Variants in NETO1 observed in about 807,000 individuals in gnomAD.
NETO1 encodes neuropilin and tolloid like 1, also known as neuropilin and tolloid-like protein 1.
Under a neutral mutation model 61.3 loss-of-function variants are expected in NETO1, and 26 were observed. The ratio of observed to expected loss-of-function variants is 0.42; its 90% confidence interval spans 0.31 to 0.59. The LOEUF is 0.59. Ranked by LOEUF, NETO1 falls within the 20% of genes least tolerant of loss-of-function variation. The pLI, the probability that NETO1 is intolerant of heterozygous loss-of-function variation, is 0.12. For missense variants in NETO1, 531 were observed against 662.8 expected (o/e 0.80, Z 2.18); for synonymous variants, 225 against 225.8 (o/e 1.00, Z 0.03).
At position 72,830,868 on chromosome 18, in the gene NETO1, C is replaced by T. The variant is rs1255507910; in HGVS notation, c.469+27958G>A. 6.6e-6 allele frequency among the ~76,000 whole-genome samples: 1 copy of T among 152,088 alleles called. No homozygotes were observed. The highest frequency in any genetic ancestry group is 1.5e-5 in the Non-Finnish European group (1 of 68,018). On this transcript the variant is annotated intron_variant, in intron 4 of 10. Coordinates refer to ENST00000327305, the MANE Select transcript of NETO1 (RefSeq NM_138966.5). The surrounding 1 kb of genome is among the most constrained non-coding windows in gnomAD (Gnocchi z 4.9). ...GTTCCAGTTGTTCACTTTTTATCCC[C>T]TATTTTCTTCTCTGAACATTGAGTT... is the stretch of plus-strand genomic sequence containing the variant.
intron 4 of NETO1, among the ~76,000 whole-genome samples, chr18:72,840,713 T>C (rs142705023): frequency 2.1e-3 from 321 of 152,242 alleles, no homozygotes; most frequent in African/African-American, 7.1e-3. Flanking sequence ...AGATAAAAGA[T>C]TGTGGCTAAC....
intron 4 of NETO1, among the ~76,000 whole-genome samples, chr18:72,837,534 G>T (rs9954519): frequency 0.96 from 146,203 of 152,258 alleles, 70,282 homozygotes; most frequent in Non-Finnish European, 0.99. Context: ...AACACAAGAT[G>T]GAAATTTTTA....
intron 4 of NETO1, among the ~76,000 whole-genome samples, chr18:72,822,857 G>C (rs932721894): frequency 1.3e-5 from 2 of 152,158 alleles, no homozygotes; most frequent in South Asian, 4.1e-4. Flanking sequence ...AAAAGAGAGA[G>C]TATGGGGAGA....
At chr18:72,846,373 C>T (rs1036255663) in intron 4 of NETO1, among the ~76,000 whole-genome samples, 23 of 151,556 alleles carry the variant, frequency 1.5e-4, no homozygotes, top group African/African-American at 3.6e-4. Flanking sequence ...GGCATGGTGG[C>T]GTGCTCTTGT....
intron 4 of NETO1, among the ~76,000 whole-genome samples, chr18:72,819,803 GA>G (rs536505879): frequency 2.3e-3 from 350 of 151,976 alleles, no homozygotes; most frequent in African/African-American, 7.7e-3. Flanking sequence ...TACCAAAAGT[GA>G]AAAAATATAT....
intron 7 of NETO1, among the ~76,000 whole-genome samples, chr18:72,766,563 T>G (rs2071168751): frequency 6.6e-6 from 1 of 152,200 alleles, no homozygotes; most frequent in African/African-American, 2.4e-5. Flanking sequence ...CAAAACTCTG[T>G]TCCAATATGA....
At chr18:72,844,961 G>A (rs1175883729) in intron 4 of NETO1, among the ~76,000 whole-genome samples, 2 of 152,208 alleles carry the variant, frequency 1.3e-5, no homozygotes, top group African/African-American at 4.8e-5. Context: ...GTGACATCAA[G>A]TGTTACCCAC....
chr18:72,776,629 G>A (rs997500022), intron 7 of NETO1, among the ~76,000 whole-genome samples: 3 of 152,070 alleles, frequency 2.0e-5, no homozygotes, highest in Non-Finnish European at 4.4e-5. Flanking sequence ...TGGCAGAAGA[G>A]GTGAAGGGTT....
chr18:72,758,367 G>T (rs976719233), intron 7 of NETO1, among the ~76,000 whole-genome samples: 1 of 109,010 alleles, frequency 9.2e-6, no homozygotes, highest in African/African-American at 2.9e-5. Context: ...CCTTTTGTTT[G>T]TGGTGCTTTT....
intron 10 of NETO1, among the ~76,000 whole-genome samples, chr18:72,748,486 C>T (rs1299862735): frequency 6.6e-6 from 1 of 151,942 alleles, no homozygotes; most frequent in Non-Finnish European, 1.5e-5. Flanking sequence ...TAACATGCTG[C>T]ATTTAATTTT....
chr18:72,785,316 G>C (rs2071877212), intron 6 of NETO1, among the ~76,000 whole-genome samples: 1 of 151,882 alleles, frequency 6.6e-6, no homozygotes, highest in African/African-American at 2.4e-5. Flanking sequence ...TGTATCTCTT[G>C]TCCTCCATGT....
intron 4 of NETO1, among the ~76,000 whole-genome samples, chr18:72,857,165 T>C (rs1336131354): frequency 6.6e-6 from 1 of 152,234 alleles, no homozygotes; most frequent in Non-Finnish European, 1.5e-5. Flanking sequence ...AGTTTTGCTC[T>C]AGTTGATCTG....
intron 4 of NETO1, among the ~76,000 whole-genome samples, chr18:72,797,608 C>T (rs941366599): frequency 3.3e-5 from 5 of 152,166 alleles, no homozygotes; most frequent in African/African-American, 1.2e-4. Flanking sequence ...TGTCCCTCAG[C>T]CTGTTCTCTA....
At chr18:72,801,026 C>G (rs1426450095) in intron 4 of NETO1, among the ~76,000 whole-genome samples, 1 of 152,124 alleles carries the variant, frequency 6.6e-6, no homozygotes, top group African/African-American at 2.4e-5. Context: ...GCCTCCCTTG[C>G]AATTGTATGT....
intron 4 of NETO1, among the ~76,000 whole-genome samples, chr18:72,857,446 C>G (rs2074440947): frequency 6.6e-6 from 1 of 152,208 alleles, no homozygotes; most frequent in Non-Finnish European, 1.5e-5. Flanking sequence ...CAAAGCATGA[C>G]AGCTGACACT....
intron 6 of NETO1, among the ~76,000 whole-genome samples, chr18:72,790,941 T>G (rs138503599): frequency 1.3e-5 from 2 of 152,272 alleles, no homozygotes; most frequent in African/African-American, 4.8e-5. Flanking sequence ...ATCATTTCAT[T>G]CTGGTGGCTG....
chr18:72,856,815 T>C (rs562870610), intron 4 of NETO1, among the ~76,000 whole-genome samples: 3 of 152,332 alleles, frequency 2.0e-5, no homozygotes, highest in South Asian at 4.1e-4. Context: ...ACATAAATCA[T>C]TAAGCTGACT....
chr18:72,866,680 G>C, intron 1 of NETO1: 1 of 973,674 alleles, frequency 1.0e-6, no homozygotes, highest in Non-Finnish European at 1.2e-6. Context: ...CCTTTTACTC[G>C]ATGACTCGTG....
chr18:72,830,119 G>C lies in NETO1; in HGVS notation c.469+28707C>G, dbSNP rs563751727. ...CTACCTATGTGGCTGAAATATGAAGGAAGTACTATAAAACCTATGGCTTTA... is the reference window on the plus strand; with the variant it reads ...CTACCTATGTGGCTGAAATATGAAGCAAGTACTATAAAACCTATGGCTTTA... On this transcript the variant is annotated intron_variant, in intron 4 of 10. Coordinates refer to ENST00000327305, the MANE Select transcript of NETO1 (RefSeq NM_138966.5). The surrounding 1 kb of genome is among the most constrained non-coding windows in gnomAD (Gnocchi z 4.9). Among the ~76,000 whole-genome samples the C allele has an allele frequency of 6.6e-6, 1 of 152,170 alleles. No homozygotes were observed. Among genetic ancestry groups the C allele is most frequent in the Non-Finnish European group, 1.5e-5 (1 of 68,036 alleles).
Sources: allele counts gnomAD v4.1 joint callset (sites outside exome capture counted in the v4.1 genomes callset), GRCh38; gene constraint gnomAD v4.1.1; non-coding constraint Gnocchi (gnomAD v3.1); transcripts MANE v1.5; gene names NCBI Gene and HGNC (gene_info 2026-07-23, HGNC 2026-07-21).